Variants in ASB15 observed in about 807,000 individuals in gnomAD.
ASB15 encodes ankyrin repeat and SOCS box containing 15, also known as ankyrin repeat and SOCS box protein 15.
Under a neutral mutation model 58.0 loss-of-function variants are expected in ASB15, and 54 were observed. The observed-to-expected ratio is 0.93, with a 90% CI of 0.75 to 1.17. The LOEUF (loss-of-function observed/expected upper bound fraction) is 1.17, where lower values mean the gene tolerates loss of function less well. ASB15 is among the 50% of genes most tolerant of loss of function. The probability of loss-of-function intolerance (pLI) is 0.00; values close to 1 mark genes in which losing one functional copy is unlikely to be tolerated. For missense variants in ASB15, 680 were observed against 707.4 expected, an observed-to-expected ratio of 0.96 and a Z score of 0.44; for synonymous variants, 249 against 262.4, an observed-to-expected ratio of 0.95 and a Z score of 0.50.
intron 1 of ASB15, among the ~76,000 whole-genome samples, chr7:123,573,096 TC>T (rs1798960261): frequency 6.6e-6 from 1 of 152,130 alleles, no homozygotes; most frequent in African/African-American, 2.4e-5. Context: ...CTAAAAGTAC[TC>T]CCTGAAATCA....
At chr7:123,570,322 CA>C (rs540625303) in intron 1 of ASB15, among the ~76,000 whole-genome samples, 1 of 152,200 alleles carries the variant, frequency 6.6e-6, no homozygotes, top group African/African-American at 2.4e-5. Flanking sequence ...AGGCGTGAGC[CA>C]CCGCGCCCAG....
chr7:123,623,066 C>A (rs1265203829), intron 7 of ASB15: 1 of 152,240 alleles, frequency 6.6e-6, no homozygotes, highest in East Asian at 1.9e-4. Flanking sequence ...CCAGTACAGG[C>A]CCAGACTTTG....
rs1388440010 is a variant in ASB15, at chr7:123,608,233, A to G, written c.-63-361A>G. On this transcript the variant is annotated intron_variant, in intron 2 of 11. Transcript: ENST00000451215. ...TATATTTGCATAGAAATTAAGCATC[A>G]ATCAGTAAAGCCCCAAAATTTGAAG... Among the ~76,000 whole-genome samples the G allele has an allele frequency of 3.9e-5, 6 of 152,220 alleles. No homozygotes were observed. In the South Asian group the frequency reaches 1.2e-3, roughly 31 times the overall value.
chr7:123,593,076 G>A (rs1033465391), intron 1 of ASB15, among the ~76,000 whole-genome samples: 11 of 152,148 alleles, frequency 7.2e-5, no homozygotes, highest in Middle Eastern at 3.4e-3. Flanking sequence ...TGTTTTATCA[G>A]AGACCAGGAT....
chr7:123,616,920 A>T (rs568359692), intron 6 of ASB15, among the ~76,000 whole-genome samples: 31 of 152,276 alleles, frequency 2.0e-4, no homozygotes, highest in African/African-American at 7.5e-4. Flanking sequence ...TGGTCTTTAC[A>T]TTACATTGAT....
intron 1 of ASB15, among the ~76,000 whole-genome samples, chr7:123,582,299 C>T (rs1470878816): frequency 6.6e-6 from 1 of 151,740 alleles, no homozygotes; most frequent in Non-Finnish European, 1.5e-5. Context: ...ATTACAATAT[C>T]CAAAGGGAGT....
intron 1 of ASB15, among the ~76,000 whole-genome samples, chr7:123,591,798 A>T (rs1388591550): frequency 6.6e-6 from 1 of 152,182 alleles, no homozygotes; most frequent in East Asian, 1.9e-4. Flanking sequence ...TGGTATCAGG[A>T]TGATGCTGAC....
rs750098681 is a variant in ASB15 at position 123,629,454 on chromosome 7, C to G, written c.1440+20C>G. ...AACCCGGTGAGTTATGCCTTTTCTG[C>G]TTTATATTGAGTTATCATCCTAATT... On this transcript the variant is annotated intron_variant, in intron 10 of 11. Coordinates refer to ENST00000451215, the MANE Select transcript of ASB15 (RefSeq NM_001290258.2). 6.5e-7 allele frequency: 1 copy of G among 1,542,942 alleles called. No individual in the cohort carries two copies. Among genetic ancestry groups the G allele is most frequent in the South Asian group, 1.2e-5 (1 of 84,660 alleles).
In ASB15 at chr7:123,627,068, A is replaced by G. The variant is rs557262494; in HGVS notation, c.698-42A>G. 3.6e-4 allele frequency: 559 copies of G among 1,574,552 alleles called. 7 individuals carry two copies. In the South Asian group the frequency reaches 6.3e-3, roughly 18 times the overall value. On this transcript the variant is annotated intron_variant, in intron 8 of 11. Transcript: ENST00000451215. ...CTGTTTTTAAGGGGATTGTTTAAACAATACCATCCAGTTATCATTATGCCA... is the reference window on the plus strand; with the variant it reads ...CTGTTTTTAAGGGGATTGTTTAAACGATACCATCCAGTTATCATTATGCCA...
chr7:123,604,617 G>A (rs1316537599), intron 2 of ASB15, among the ~76,000 whole-genome samples: 11 of 151,644 alleles, frequency 7.3e-5, no homozygotes, highest in Non-Finnish European at 1.3e-4. Context: ...AAGAAGCACC[G>A]TGTGAGGAGA....
rs1321769938 is a variant in ASB15, at chr7:123,637,756, C to A, written c.*775C>A. ...ATGGTCTTAATCATTTTGCTAGAGA[C>A]TACAAAATTTCCATCCAAAGCTCAG... On this transcript the variant is annotated 3_prime_UTR_variant, in exon 12 of 12. Transcript: ENST00000451215. 2.0e-5 allele frequency: 3 copies of A among 151,496 alleles called. No individual in the cohort carries two copies. The highest frequency in any genetic ancestry group is 4.4e-5 in the Non-Finnish European group (3 of 67,982). 9.4% of individuals were successfully genotyped at this position (151,496 alleles called of 1,614,324 possible).
chr7:123,581,584 GA>G (rs1265879096), intron 1 of ASB15, among the ~76,000 whole-genome samples: 5 of 151,782 alleles, frequency 3.3e-5, no homozygotes, highest in Non-Finnish European at 4.4e-5. Flanking sequence ...TTAGGTTTCT[GA>G]AAAGTCTTTC....
At chr7:123,584,625 C>T (rs1799328056) in intron 1 of ASB15, among the ~76,000 whole-genome samples, 1 of 151,792 alleles carries the variant, frequency 6.6e-6, no homozygotes, top group African/African-American at 2.4e-5. Flanking sequence ...AGAAAATCAA[C>T]CTAAAATCAT....
chr7:123,599,194 A>C (rs564702276), upstream of ASB15, among the ~76,000 whole-genome samples: 2 of 152,322 alleles, frequency 1.3e-5, no homozygotes, highest in South Asian at 4.1e-4. Context: ...AGAGATATAC[A>C]TGGGTATTGC....
chr7:123,630,862 C>G (rs531289914), intron 11 of ASB15, among the ~76,000 whole-genome samples: 5 of 151,988 alleles, frequency 3.3e-5, no homozygotes, highest in Non-Finnish European at 7.4e-5. Flanking sequence ...TTTTAATGTA[C>G]CTGAATCAGC....
chr7:123,626,014 C>T (rs1235965390), intron 8 of ASB15, among the ~76,000 whole-genome samples: 2 of 152,176 alleles, frequency 1.3e-5, no homozygotes, highest in Non-Finnish European at 2.9e-5. Context: ...CAGTCCCCTA[C>T]ATCATGTCTC....
At chr7:123,578,230 C>T (rs1243585516) in intron 1 of ASB15, among the ~76,000 whole-genome samples, 2 of 150,022 alleles carry the variant, frequency 1.3e-5, no homozygotes, top group Admixed American at 1.3e-4. Context: ...CACAAGCTAC[C>T]TGCTGATATT....
At chr7:123,633,363 T>C (rs956967665) in intron 11 of ASB15, among the ~76,000 whole-genome samples, 32 of 152,022 alleles carry the variant, frequency 2.1e-4, no homozygotes, top group Non-Finnish European at 4.1e-4. Flanking sequence ...TTGATAGTGA[T>C]ATAATATTAA....
chr7:123,636,675 A>T, intron 11 of ASB15, 134 bp from the exon 12 acceptor site: 1 of 715,466 alleles, frequency 1.4e-6, no homozygotes, highest in Non-Finnish European at 2.3e-6. Context: ...AATTTCACTT[A>T]AAATCACCAG....
Sources: gnomAD v4.1 joint callset for allele counts (sites outside exome capture counted in the v4.1 genomes callset) on GRCh38, gnomAD v4.1.1 for gene constraint, MANE v1.5 for transcripts, NCBI Gene and HGNC (gene_info 2026-07-23, HGNC 2026-07-21) for gene names.